Variants in SSH3 observed in about 807,000 individuals in gnomAD.
SSH3 encodes the protein protein phosphatase Slingshot homolog 3.
In SSH3, 67 loss-of-function variants were observed where a neutral mutation model predicts 75.0. That is an observed-to-expected ratio of 0.89 (90% CI 0.73 to 1.10). The LOEUF (loss-of-function observed/expected upper bound fraction) is 1.10, where lower values mean the gene tolerates loss of function less well. Among genes scored for constraint, SSH3 ranks in the 50% least tolerant of loss-of-function variants. SSH3 has a pLI of 0.00. For missense variants in SSH3, 824 were observed against 872.7 expected (o/e 0.94, Z 0.70); for synonymous variants, 318 against 349.2 (o/e 0.91, Z 1.00).
At position 67,304,103 on chromosome 11, in the gene SSH3, C is replaced by T. The variant is rs775074615; in HGVS notation, c.67-15C>T. The T allele has an allele frequency of 2.5e-6, 4 of 1,585,604 alleles. 1 individual carries two copies. Among genetic ancestry groups the T allele is most frequent in the Non-Finnish European group, 3.4e-6 (4 of 1,170,778 alleles). ...TCCCCGCCCTCACCCTGCCCTGGGG[C>T]TGCTCTCTCCGCAGGACCAGGCGGT... On this transcript the variant is annotated splice_polypyrimidine_tract_variant and intron_variant, in intron 1 of 13. Transcript: ENST00000308127.
In SSH3 at chr11:67,309,878, T is replaced by C. The variant is rs1396775397; in HGVS notation, c.1319T>C (p.Leu440Pro). The change falls in exon 12 of 14, where the codon CTG becomes CCG. Residue 440 changes from leucine to proline, a missense_variant. Leu to Pro is a moderately conservative substitution (Grantham distance 98, BLOSUM62 -3). Transcript: ENST00000308127. ...TACGAATGCAGCCTGGAGCAGGCCC[T>C]GCGCCACGTGCAGGAGCTCCGGCCC... ...KQYECSLEQA[L>P]RHVQELRPIA... is the part of the protein sequence containing the mutation. 1.2e-6 allele frequency: 2 copies of C among 1,612,532 alleles called. No individual in the cohort carries two copies. Among genetic ancestry groups the C allele is most frequent in the Non-Finnish European group, 1.7e-6 (2 of 1,179,992 alleles).
chr11:67,304,653 G>A lies in SSH3; in HGVS notation c.105-120G>A, dbSNP rs944976225. On this transcript the variant is annotated intron_variant, in intron 2 of 13. Transcript: ENST00000308127. ...CCTCCACTCTAGACCTATCGACCGCGTGGGGGCCCATGAATCCGTGTAGAC... is the reference window on the plus strand; with the variant it reads ...CCTCCACTCTAGACCTATCGACCGCATGGGGGCCCATGAATCCGTGTAGAC... 11 of 1,021,508 alleles carry A rather than the reference G, an allele frequency of 1.1e-5. No homozygotes were observed. In the African/African-American group the frequency reaches 1.6e-4, roughly 15 times the overall value. The allele number at this position is 1,021,508 out of a possible 1,614,324, so 63.3% of individuals were successfully genotyped here.
chr11:67,306,288 CAA>C (rs760084863), intron 3 of SSH3, among the ~76,000 whole-genome samples: 22 of 108,408 alleles, frequency 2.0e-4, no homozygotes, highest in Admixed American at 5.2e-4. Context: ...GACTCCATTG[CAA>C]AAAAAAAAAA....
rs754012132 is a variant in SSH3, at chr11:67,306,820, TTCC to T, written c.340-15_340-13del. The stretch of plus-strand genomic sequence containing the variant: ...TCCTTGGGGCCACTGTGACCCTGGG[TTCC>T]TCATCTCCCCCCAGGCAGCCCAGCT... On this transcript the variant is annotated splice_polypyrimidine_tract_variant and intron_variant, in intron 3 of 13. Coordinates refer to ENST00000308127, the MANE Select transcript of SSH3 (RefSeq NM_017857.4). 3 of 1,600,584 alleles carry T rather than the reference TTCC, an allele frequency of 1.9e-6. No individual in the cohort carries two copies. Among genetic ancestry groups the T allele is most frequent in the Non-Finnish European group, 1.7e-6 (2 of 1,172,252 alleles).
In SSH3 at chr11:67,304,924, CAG is replaced by C. The variant is rs1861188647; in HGVS notation, c.259_260del (p.Gln89GlufsTer21). On this transcript the variant is annotated frameshift_variant, in exon 3 of 14. Transcript: ENST00000308127. LOFTEE classifies it high-confidence loss of function. ...GDQTDFGQGS[Q>X]SPQKQEEQRQ... ...CCAGACAGACTTCGGGCAAGGATCC[CAG>C]AGTCCCCAGAAGCAGGAGGAGCAGA... The C allele has an allele frequency of 6.2e-7, 1 of 1,613,728 alleles. No homozygotes were observed. Among genetic ancestry groups the C allele is most frequent in the African/African-American group, 1.3e-5 (1 of 75,036 alleles).
Position 67,307,771 on chromosome 11 carries a change from G to A in SSH3, c.791+34G>A, listed in dbSNP as rs1458027512. 1 of 1,613,752 alleles carries A rather than the reference G, an allele frequency of 6.2e-7. No individual in the cohort carries two copies. The highest frequency in any genetic ancestry group is 2.2e-5 in the East Asian group (1 of 44,886). On this transcript the variant is annotated intron_variant, in intron 7 of 13. Coordinates refer to ENST00000308127, the MANE Select transcript of SSH3 (RefSeq NM_017857.4). This position sits in a 1 kb window ranked among gnomAD's most constrained non-coding sequence, Gnocchi z 4.2. The stretch of plus-strand genomic sequence containing the variant: ...GTGGAGGGGAGGGACTGGGTGGAGG[G>A]GAAGGCAGGATAATGCAGTGGGGGG...
Position 67,307,419 on chromosome 11 carries a change from C to T in SSH3, c.585C>T (p.Ile195=). The T allele has an allele frequency of 6.2e-7, 1 of 1,614,102 alleles. No homozygotes were observed. The highest frequency in any genetic ancestry group is 8.5e-7 in the Non-Finnish European group (1 of 1,180,032). ...GGCAAAGCCGGATCTTCAAGCCCAT[C>T]TCCATCCAGACCATGTGGTAAGGAC... ...SGGQSRIFKP[I]SIQTMWATLQ... Residue 195 remains isoleucine (I), a synonymous_variant, in exon 6 of 14, where the codon ATC becomes ATT. Coordinates refer to ENST00000308127, the MANE Select transcript of SSH3 (RefSeq NM_017857.4). This position sits in a 1 kb window ranked among gnomAD's most constrained non-coding sequence, Gnocchi z 4.2.
chr11:67,308,024 C>T lies in SSH3; in HGVS notation c.885+85C>T. 1 of 1,598,902 alleles carries T rather than the reference C, an allele frequency of 6.3e-7. No individual in the cohort carries two copies. Among genetic ancestry groups the T allele is most frequent in the South Asian group, 1.1e-5 (1 of 89,690 alleles). ...TGGGAGCCCTCCCCACCTTGCCTGT[C>T]TCCAGTCCTGAGCCATTCCTGGATG... is the stretch of plus-strand genomic sequence containing the variant. On this transcript the variant is annotated intron_variant, in intron 8 of 13. Coordinates refer to ENST00000308127, the MANE Select transcript of SSH3 (RefSeq NM_017857.4). The surrounding 1 kb of genome is among the most constrained non-coding windows in gnomAD (Gnocchi z 4.9).
At position 67,308,478 on chromosome 11, in the gene SSH3, G is replaced by T; in HGVS notation, c.1061+20G>T. On this transcript the variant is annotated intron_variant, in intron 10 of 13. Coordinates refer to ENST00000308127, the MANE Select transcript of SSH3 (RefSeq NM_017857.4). The surrounding 1 kb of genome is among the most constrained non-coding windows in gnomAD (Gnocchi z 4.9). ...GAACAGGTAGGGCTATGAGCCCCTC[G>T]GGCCACCCACCCCATCTTCCCTTCT... The T allele has an allele frequency of 6.4e-7, 1 of 1,565,516 alleles. No homozygotes were observed. Among genetic ancestry groups the T allele is most frequent in the East Asian group, 2.4e-5 (1 of 41,866 alleles).
chr11:67,306,015 C>T (rs1458139797), intron 3 of SSH3, among the ~76,000 whole-genome samples: 7 of 151,920 alleles, frequency 4.6e-5, no homozygotes, highest in Admixed American at 6.6e-5. Context: ...ACTGGCCGGG[C>T]GCGGTGGCTC....
chr11:67,310,360 G>C, intron 13 of SSH3, 21 bp downstream of exon 13: 1 of 1,584,302 alleles, frequency 6.3e-7, no homozygotes, highest in Non-Finnish European at 8.6e-7. Flanking sequence ...GGCTGGGGGA[G>C]CTCAGCTTGC....
At chr11:67,309,585 A>G (rs1013396632) in intron 11 of SSH3, 42 bp downstream of exon 11, 33 of 1,604,242 alleles carry the variant, frequency 2.1e-5, no homozygotes, top group Non-Finnish European at 2.6e-5. Context: ...TGTGGCTTCA[A>G]GCGGCCTCCG....
At chr11:67,306,584 G>C (rs1055200952) in intron 3 of SSH3, among the ~76,000 whole-genome samples, 2 of 152,252 alleles carry the variant, frequency 1.3e-5, no homozygotes, top group Non-Finnish European at 2.9e-5. Context: ...CTGGGCGACA[G>C]AGTGAGACCC....
chr11:67,308,255 G>T lies in SSH3; in HGVS notation c.967G>T (p.Val323Leu). ...CATCGACAACCAGATGCTGCTGCTG[G>T]TGGCACAGCGGGACCGAGCCTCCCG... ...DFIDNQMLLL[V>L]AQRDRASRIF... The change falls in exon 9 of 14, where the codon GTG (valine) becomes TTG (leucine). Residue 323 changes from valine (V) to leucine (L), a missense_variant. Physicochemically the swap from Val to Leu is conservative, Grantham distance 32. Transcript: ENST00000308127. The surrounding 1 kb of genome is among the most constrained non-coding windows in gnomAD (Gnocchi z 4.9). The T allele has an allele frequency of 1.2e-6, 2 of 1,614,138 alleles. No homozygotes were observed. The highest frequency in any genetic ancestry group is 4.5e-5 in the East Asian group (2 of 44,890).
rs780955187 is a variant in SSH3, at chr11:67,309,531, T to C, written c.1196T>C (p.Ile399Thr). ...LPHWKETHRF[I>T]EAARAQGTHV... is the part of the protein sequence containing the mutation. ...CACTGGAAGGAGACGCACCGCTTCA[T>C]TGAGGCTGCAAGGTCGGTCTCCTGG... Residue 399 changes from isoleucine to threonine, a missense_variant, in exon 11 of 14, where the codon ATT (isoleucine) becomes ACT (threonine). Transcript: ENST00000308127. 9 of 1,613,818 alleles carry C rather than the reference T, an allele frequency of 5.6e-6. No homozygotes were observed. The highest frequency in any genetic ancestry group is 5.5e-5 in the South Asian group (5 of 91,092).
Position 67,304,823 on chromosome 11 carries a change from G to A in SSH3, c.155G>A (p.Gly52Glu), listed in dbSNP as rs759914862. The A allele has an allele frequency of 9.9e-6, 16 of 1,613,206 alleles. No homozygotes were observed. The highest frequency in any genetic ancestry group is 3.3e-5 in the Admixed American group (2 of 59,904). Residue 52 changes from glycine (G) to glutamate (E), a missense_variant, in exon 3 of 14, where the codon GGG becomes GAG. Gly to Glu is a moderately conservative substitution (Grantham distance 98). Coordinates refer to ENST00000308127, the MANE Select transcript of SSH3 (RefSeq NM_017857.4). ...RGAVLGLQDG[G>E]DNDDAAEASS... ...GCTGTCCTGGGACTGCAGGATGGAG[G>A]GGACAATGATGATGCAGCAGAGGCC...
chr11:67,306,817 G>C, intron 3 of SSH3, 21 bp from the exon 4 acceptor site: 1 of 1,598,600 alleles, frequency 6.3e-7, no homozygotes, highest in Non-Finnish European at 8.5e-7. Context: ...CTGTGACCCT[G>C]GGTTCCTCAT....
At chr11:67,305,303 C>T (rs1462086730) in intron 3 of SSH3, among the ~76,000 whole-genome samples, 1 of 151,856 alleles carries the variant, frequency 6.6e-6, no homozygotes, top group Admixed American at 6.6e-5. Context: ...TCTCCTGCCT[C>T]AGCCTCCCGA....
At chr11:67,303,881 C>T (rs1861142575) in intron 1 of SSH3, 190 bp downstream of exon 1, 2 of 757,734 alleles carry the variant, frequency 2.6e-6, no homozygotes, top group Admixed American at 3.9e-5. Context: ...CCCTGCGCGC[C>T]GCCCGGGCTG....
Sources: gnomAD v4.1 joint callset for allele counts (sites outside exome capture counted in the v4.1 genomes callset) on GRCh38, gnomAD v4.1.1 for gene constraint, Gnocchi (gnomAD v3.1) non-coding constraint, MANE v1.5 for transcripts, NCBI Gene and HGNC (gene_info 2026-07-23, HGNC 2026-07-21) for gene names.